Variants in LAMA1 observed in about 807,000 individuals in gnomAD.
LAMA1 encodes laminin subunit alpha-1.
LAMA1 carries 219 observed loss-of-function variants against 348.7 expected under a neutral mutation model. That is an observed-to-expected ratio of 0.63 (90% CI 0.56 to 0.70). LAMA1 has a LOEUF of 0.70. Ranked by LOEUF, LAMA1 falls within the 30% of genes least tolerant of loss-of-function variation. LAMA1 has a pLI of 0.00. For missense variants in LAMA1, 3,744 were observed against 3,888.0 expected, an observed-to-expected ratio of 0.96 and a Z score of 0.99; for synonymous variants, 1,487 against 1,491.0, an observed-to-expected ratio of 1.00 and a Z score of 0.06.
intron 1 of LAMA1, among the ~76,000 whole-genome samples, chr18:7,094,982 T>C (rs755410235): frequency 2.6e-5 from 4 of 151,732 alleles, no homozygotes; most frequent in African/African-American, 4.8e-5. Context: ...TATTTGTAGA[T>C]AGGAAGATTC....
chr18:7,061,401 G>C (rs1201865972), intron 3 of LAMA1, among the ~76,000 whole-genome samples: 1 of 152,096 alleles, frequency 6.6e-6, no homozygotes, highest in Non-Finnish European at 1.5e-5. Context: ...TCCCCACCTT[G>C]TAAGATCCAC....
At chr18:7,082,056 T>C (rs1185435214) in intron 1 of LAMA1, among the ~76,000 whole-genome samples, 1 of 152,144 alleles carries the variant, frequency 6.6e-6, no homozygotes, top group Non-Finnish European at 1.5e-5. Context: ...GTTATTTCTC[T>C]AACACTTGCT....
Position 7,109,621 on chromosome 18 carries a change from AT to A in LAMA1, c.61+8038del, listed in dbSNP as rs1200787946. On this transcript the variant is annotated intron_variant, in intron 1 of 62. Transcript: ENST00000389658. ...GGAGTACATTTCAGGTGAGAGAGTC[AT>A]GTAACCAAATCACACAGCTGCAAGT... 2.0e-5 allele frequency among the ~76,000 whole-genome samples: 3 copies of A among 152,288 alleles called. No homozygotes were observed. The East Asian group carries it at 5.8e-4, about 29-fold the overall frequency.
rs747240606 is a variant in LAMA1 at position 6,959,401 on chromosome 18, G to A, written c.7718C>T (p.Ala2573Val). Residue 2573 changes from alanine (A) to valine (V), a missense_variant, in exon 54 of 63, where the codon GCT becomes GTT. Transcript: ENST00000389658. ...GTGLRKALLH[A>V]PTGTCSDGQA... ...TCCATCACTGCAGGTACCCGTGGGA[G>A]CGTGCAGGAGAGCTTTTCTCAGGCC... is the stretch of plus-strand genomic sequence containing the variant. 3.1e-6 allele frequency: 5 copies of A among 1,614,088 alleles called. No homozygotes were observed. In the South Asian group the frequency reaches 5.5e-5, roughly 18 times the overall value.
At chr18:7,098,672 G>A (rs2058275075) in intron 1 of LAMA1, among the ~76,000 whole-genome samples, 1 of 151,338 alleles carries the variant, frequency 6.6e-6, no homozygotes, top group Admixed American at 6.6e-5. Context: ...AGTCTGGGAA[G>A]TGAGGAGCGT....
intron 3 of LAMA1, among the ~76,000 whole-genome samples, chr18:7,072,838 C>T (rs540634079): frequency 3.9e-5 from 6 of 152,214 alleles, no homozygotes; most frequent in Non-Finnish European, 7.4e-5. Context: ...CAAATCGATG[C>T]TCCCTGACGG....
rs1449570217 is a variant in LAMA1, at chr18:6,974,130, AC to A, written c.6623+772del. Reference sequence around the variant, plus strand: ...AGACATTTTAGACATTCTAAAGGTAACCTAAGCTTTTCAGTTTTTTCTTCTT... The same window carrying A: ...AGACATTTTAGACATTCTAAAGGTAACTAAGCTTTTCAGTTTTTTCTTCTT... On this transcript the variant is annotated intron_variant, in intron 46 of 62. Coordinates refer to ENST00000389658, the MANE Select transcript of LAMA1 (RefSeq NM_005559.4). Among the ~76,000 whole-genome samples, 9 of 152,128 alleles carry A rather than the reference AC, an allele frequency of 5.9e-5. 1 individual carries two copies. The highest frequency in any genetic ancestry group is 5.2e-4 in the Admixed American group (8 of 15,268).
intron 8 of LAMA1, 186 bp from the exon 9 acceptor site, chr18:7,042,436 T>C (rs565524822): frequency 1.7e-6 from 1 of 583,198 alleles, no homozygotes; most frequent in Admixed American, 2.6e-5. Flanking sequence ...AACATCTTTT[T>C]GATGGTGGCA....
chr18:7,006,681 T>C (rs1055037566), intron 29 of LAMA1, among the ~76,000 whole-genome samples: 2 of 152,304 alleles, frequency 1.3e-5, no homozygotes, highest in Admixed American at 6.5e-5. Context: ...CTAGGCCATA[T>C]GGTAGAGCCT....
At chr18:7,055,679 C>T (rs912251731) in intron 3 of LAMA1, among the ~76,000 whole-genome samples, 2 of 152,100 alleles carry the variant, frequency 1.3e-5, no homozygotes, top group Non-Finnish European at 2.9e-5. Context: ...GAAACATTCT[C>T]CAATCGACTT....
intron 4 of LAMA1, 35 bp downstream of exon 4, chr18:7,050,659 G>GA (rs757040884): frequency 1.2e-6 from 2 of 1,612,626 alleles, no homozygotes; most frequent in South Asian, 2.2e-5. Context: ...CTCTGATGAG[G>GA]AAACAGATCT....
intron 44 of LAMA1, among the ~76,000 whole-genome samples, chr18:6,976,878 G>A (rs2057685139): frequency 6.6e-6 from 1 of 152,078 alleles, no homozygotes; most frequent in Non-Finnish European, 1.5e-5. Context: ...CCAAATTGTG[G>A]GAGTTACGGG....
chr18:7,113,841 C>T lies in LAMA1; in HGVS notation c.61+3819G>A, dbSNP rs554472794. ...CCTGTAATACCAACACTTTGGGAGG[C>T]CGAGGTGGGTGGATCACCAGGTCAT... On this transcript the variant is annotated intron_variant, in intron 1 of 62. Coordinates refer to ENST00000389658, the MANE Select transcript of LAMA1 (RefSeq NM_005559.4). 3.9e-4 allele frequency among the ~76,000 whole-genome samples: 60 copies of T among 152,156 alleles called. 2 individuals carry two copies. Among genetic ancestry groups the T allele is most frequent in the East Asian group, 3.7e-3 (19 of 5,150 alleles).
chr18:7,098,382 G>A (rs1288561199), intron 1 of LAMA1, among the ~76,000 whole-genome samples: 5 of 151,366 alleles, frequency 3.3e-5, no homozygotes, highest in African/African-American at 9.7e-5. Flanking sequence ...CCGCCCGGCC[G>A]CCATCCCACC....
rs2057842817 is a variant in LAMA1, at chr18:7,008,392, T to C, written c.4122+96A>G. 5 of 1,357,602 alleles carry C rather than the reference T, an allele frequency of 3.7e-6. No homozygotes were observed. In the South Asian group the frequency reaches 5.0e-5, roughly 14 times the overall value. 84.1% of individuals were successfully genotyped at this position (1,357,602 alleles called of 1,614,324 possible). ...TCAAAAAGAGAAAAAAATGATATAGTAGATACACATAAGTTCTGTTCATCT... is the reference window on the plus strand; with the variant it reads ...TCAAAAAGAGAAAAAAATGATATAGCAGATACACATAAGTTCTGTTCATCT... On this transcript the variant is annotated intron_variant, in intron 28 of 62. Transcript: ENST00000389658.
intron 18 of LAMA1, 53 bp downstream of exon 18, chr18:7,024,327 T>G (rs1044606061): frequency 1.4e-6 from 2 of 1,386,974 alleles, no homozygotes; most frequent in African/African-American, 1.4e-5. Flanking sequence ...AATAAACACA[T>G]AGAATTTATA....
At chr18:6,948,274 G>T in intron 60 of LAMA1, 129 bp downstream of exon 60, 2 of 1,232,276 alleles carry the variant, frequency 1.6e-6, no homozygotes, top group Non-Finnish European at 2.3e-6. Context: ...GAATCAACTG[G>T]AATACTAAAC....
chr18:7,034,525 G>C lies in LAMA1; in HGVS notation c.2005C>G (p.Leu669Val), dbSNP rs751064724. 1 of 1,614,130 alleles carries C rather than the reference G, an allele frequency of 6.2e-7. No homozygotes were observed. The highest frequency in any genetic ancestry group is 8.5e-7 in the Non-Finnish European group (1 of 1,180,040). Residue 669 changes from leucine (L) to valine (V), a missense_variant, in exon 14 of 63, where the codon CTT becomes GTT. Leu to Val is a conservative substitution (Grantham distance 32, BLOSUM62 1). Transcript: ENST00000389658. Reference protein sequence around the residue: ...LMTVLANVTHLLIRANYNSAK... With the variant: ...LMTVLANVTHVLIRANYNSAK... The stretch of plus-strand genomic sequence containing the variant: ...GAATTGTAGTTGGCTCTGATCAAAA[G>C]ATGTGTCACATTGGCAAGGACAGTC...
rs556914533 is a variant in LAMA1, at chr18:6,965,586, T to C, written c.7051-154A>G. 16 of 765,014 alleles carry C rather than the reference T, an allele frequency of 2.1e-5. No homozygotes were observed. In the South Asian group the frequency reaches 2.5e-4, roughly 12 times the overall value. 47.4% of individuals were successfully genotyped at this position (765,014 alleles called of 1,614,324 possible). ...GGTCTATCGGCTACGAAACCAAAAATGCCCACGAAGGCTTTCTAGAACACT... is the reference window on the plus strand; with the variant it reads ...GGTCTATCGGCTACGAAACCAAAAACGCCCACGAAGGCTTTCTAGAACACT... On this transcript the variant is annotated intron_variant, in intron 49 of 62. Transcript: ENST00000389658.
Sources: gnomAD v4.1 joint callset for allele counts (sites outside exome capture counted in the v4.1 genomes callset) on GRCh38, gnomAD v4.1.1 for gene constraint, MANE v1.5 for transcripts, NCBI Gene and HGNC (gene_info 2026-07-23, HGNC 2026-07-21) for gene names.